Variants in CTNNAL1 observed in about 807,000 individuals in gnomAD.
CTNNAL1 encodes the protein alpha-catulin.
Under a neutral mutation model 93.6 loss-of-function variants are expected in CTNNAL1, and 69 were observed. The ratio of observed to expected loss-of-function variants is 0.74; its 90% CI spans 0.61 to 0.90. The LOEUF (loss-of-function observed/expected upper bound fraction) is 0.90. Ranked by LOEUF, CTNNAL1 falls within the 40% of genes least tolerant of loss-of-function variation. The pLI is 0.00. For synonymous variants in CTNNAL1, 286 were observed against 305.4 expected, an observed-to-expected ratio of 0.94 and a Z score of 0.66; for missense variants, 836 against 862.0, an observed-to-expected ratio of 0.97 and a Z score of 0.38.
intron 10 of CTNNAL1, among the ~76,000 whole-genome samples, chr9:108,965,787 C>T (rs4978763): frequency 0.36 from 54,389 of 152,006 alleles, 10,009 homozygotes; most frequent in Admixed American, 0.45. Context: ...ATTCTCTTCA[C>T]TCAAGTAAAA....
chr9:108,952,288 A>G lies in CTNNAL1; in HGVS notation c.1756T>C (p.Trp586Arg). 2 of 1,614,146 alleles carry G rather than the reference A, an allele frequency of 1.2e-6. No individual in the cohort carries two copies. The highest frequency in any genetic ancestry group is 1.7e-6 in the Non-Finnish European group (2 of 1,180,026). ...TSDADCEIEK[W>R]EDQENEIVQY... ...ACAATCTCATTCTCCTGATCTTCCC[A>G]CTTCTCAATTTCGCAGTCAGCGTCA... The change falls in exon 14 of 19, where the codon TGG (tryptophan) becomes CGG (arginine). Residue 586 changes from tryptophan (W) to arginine (R), a missense_variant. Transcript: ENST00000325551.
At chr9:108,970,029 T>C (rs1831065605) in intron 10 of CTNNAL1, among the ~76,000 whole-genome samples, 1 of 152,202 alleles carries the variant, frequency 6.6e-6, no homozygotes, top group Non-Finnish European at 1.5e-5. Flanking sequence ...TAGTCTCATG[T>C]CCTAATTATT....
At chr9:108,987,890 CT>C (rs1831665581) in intron 4 of CTNNAL1, among the ~76,000 whole-genome samples, 1 of 152,126 alleles carries the variant, frequency 6.6e-6, no homozygotes, top group Non-Finnish European at 1.5e-5. Context: ...TATCCTGAGG[CT>C]TTGCTGAAGT....
At chr9:109,010,674 A>C (rs1055654973) in intron 1 of CTNNAL1, among the ~76,000 whole-genome samples, 2 of 152,244 alleles carry the variant, frequency 1.3e-5, no homozygotes, top group Non-Finnish European at 2.9e-5. Flanking sequence ...AATGCAAAAA[A>C]AACTATACAC....
At chr9:108,984,867 G>A (rs1185190373) in intron 4 of CTNNAL1, among the ~76,000 whole-genome samples, 1 of 152,154 alleles carries the variant, frequency 6.6e-6, no homozygotes, top group Non-Finnish European at 1.5e-5. Context: ...ATTCTTTAAG[G>A]AGCCTCGTCT....
Position 108,979,313 on chromosome 9 carries a change from G to A in CTNNAL1, c.1069C>T (p.Leu357=). 2 of 1,614,166 alleles carry A rather than the reference G, an allele frequency of 1.2e-6. No individual in the cohort carries two copies. Among genetic ancestry groups the A allele is most frequent in the Non-Finnish European group, 1.7e-6 (2 of 1,180,014 alleles). The part of the protein sequence containing the change: ...LELSTQARME[L]QQLISVWIQA... ...ATCCACACAGAAATTAACTGCTGCA[G>A]TTCCATTCTCGCCTGAGTTGACAGT... The change falls in exon 7 of 19, where the codon CTG becomes TTG. Residue 357 remains leucine, a synonymous_variant. Coordinates refer to ENST00000325551, the MANE Select transcript of CTNNAL1 (RefSeq NM_003798.4).
chr9:109,001,214 G>T (rs1826815473), intron 1 of CTNNAL1, among the ~76,000 whole-genome samples: 1 of 147,140 alleles, frequency 6.8e-6, no homozygotes, highest in South Asian at 2.2e-4. Flanking sequence ...TTTATTCTAT[G>T]TATTACAGGA....
At chr9:108,960,570 G>A (rs746868089) in intron 11 of CTNNAL1, among the ~76,000 whole-genome samples, 40 of 152,148 alleles carry the variant, frequency 2.6e-4, no homozygotes, top group Non-Finnish European at 5.0e-4. Context: ...TTCTTGGCAC[G>A]ATTGTGATCA....
intron 2 of CTNNAL1, among the ~76,000 whole-genome samples, chr9:108,995,423 A>T (rs1831980305): frequency 6.6e-6 from 1 of 152,216 alleles, no homozygotes; most frequent in Non-Finnish European, 1.5e-5. Flanking sequence ...CATTTAACTC[A>T]TAAGTACGTG....
chr9:109,010,068 G>T (rs72758394), intron 1 of CTNNAL1, among the ~76,000 whole-genome samples: 30,121 of 151,892 alleles, frequency 0.2, 3,106 homozygotes, highest in Admixed American at 0.23. Context: ...TGTTGGCCAG[G>T]CTGGAGCACA....
intron 1 of CTNNAL1, among the ~76,000 whole-genome samples, chr9:109,000,923 G>C (rs1826797282): frequency 6.6e-6 from 1 of 151,708 alleles, no homozygotes; most frequent in Non-Finnish European, 1.5e-5. Context: ...AGCACTTTGG[G>C]AGGCAGAGGC....
At chr9:108,959,044 A>T (rs969403486) in intron 11 of CTNNAL1, among the ~76,000 whole-genome samples, 1 of 151,562 alleles carries the variant, frequency 6.6e-6, no homozygotes, top group Non-Finnish European at 1.5e-5. Flanking sequence ...CGGGAGGGTT[A>T]CTTGAGGCCA....
At chr9:108,985,157 T>C (rs1327249474) in intron 4 of CTNNAL1, among the ~76,000 whole-genome samples, 1 of 152,220 alleles carries the variant, frequency 6.6e-6, no homozygotes, top group Non-Finnish European at 1.5e-5. Context: ...AATAATTTGG[T>C]TATTATATCT....
intron 11 of CTNNAL1, among the ~76,000 whole-genome samples, chr9:108,959,281 C>T (rs1830765081): frequency 6.8e-6 from 1 of 146,896 alleles, no homozygotes; most frequent in Non-Finnish European, 1.5e-5. Flanking sequence ...AGGAGAATGG[C>T]ATGAACCCGG....
chr9:108,972,864 G>GGGGGGGGGGGGGAA, intron 8 of CTNNAL1, 31 bp from the exon 9 acceptor site: 1 of 142,590 alleles, frequency 7.0e-6, no homozygotes, highest in Non-Finnish European at 1.0e-5. Flanking sequence ...GGGGGGGTGG[G>GGGGGGGGGGGGGAA]AGGGTGGAGA....
chr9:108,986,645 CA>C (rs1479332977), intron 4 of CTNNAL1, among the ~76,000 whole-genome samples: 1 of 151,702 alleles, frequency 6.6e-6, no homozygotes, highest in African/African-American at 2.4e-5. Flanking sequence ...GTCCCACCAA[CA>C]GTGTAAAAGT....
At chr9:108,970,519 T>C (rs1251558750) in intron 9 of CTNNAL1, 25 bp from the exon 10 acceptor site, 2 of 1,584,902 alleles carry the variant, frequency 1.3e-6, no homozygotes, top group Admixed American at 3.6e-5. Context: ...GTCTACAGTT[T>C]AACTTTCACA....
In CTNNAL1 at chr9:109,013,201, A is replaced by G. The variant is rs902689852; in HGVS notation, c.141+101T>C. The G allele has an allele frequency of 3.2e-5, 42 of 1,328,680 alleles. No homozygotes were observed. In the East Asian group the frequency reaches 6.5e-4, roughly 21 times the overall value. 82.3% of individuals were successfully genotyped at this position (1,328,680 alleles called of 1,614,324 possible). A position where few individuals can be genotyped will look rare whatever the true frequency, so the allele number is the denominator to read the frequency against. On this transcript the variant is annotated intron_variant, in intron 1 of 18. Transcript: ENST00000325551. ...AGAACGCCGCAGTGCCGGCGCGGAA[A>G]GTGGGGCAGCGGCTGCCTCCCGTCC...
rs201945708 is a variant in CTNNAL1, at chr9:108,945,650, T to TTG, written c.1885-1633_1885-1632insCA. On this transcript the variant is annotated intron_variant, in intron 15 of 18. Coordinates refer to ENST00000325551, the MANE Select transcript of CTNNAL1 (RefSeq NM_003798.4). ...CTAGTTTTTTTTTTTTTTGTTTTGT[T>TTG]TTTTTGTAGAGACAAGGTCTCACTA... 6.8e-3 allele frequency among the ~76,000 whole-genome samples: 1,039 copies of TTG among 151,698 alleles called. 5 individuals carry two copies. The highest frequency in any genetic ancestry group is 0.024 in the African/African-American group (987 of 41,264).
Sources: gnomAD v4.1 joint callset for allele counts (sites outside exome capture counted in the v4.1 genomes callset) on GRCh38, gnomAD v4.1.1 for gene constraint, MANE v1.5 for transcripts, NCBI Gene and HGNC (gene_info 2026-07-23, HGNC 2026-07-21) for gene names.